Variants in ITPR1 observed in about 807,000 individuals in gnomAD.
The protein encoded by ITPR1 is inositol 1,4,5-trisphosphate-gated calcium channel ITPR1.
A neutral mutation model predicts 318.4 loss-of-function variants in ITPR1; 96 were observed. The observed-to-expected ratio is 0.30, with a 90% CI of 0.26 to 0.36. The LOEUF is 0.36. ITPR1 is among the 10% of genes least tolerant of loss of function. The probability of loss-of-function intolerance (pLI) is 1.00; values close to 1 mark genes in which losing one functional copy is unlikely to be tolerated. For synonymous variants in ITPR1, 1,312 were observed against 1,289.9 expected (o/e 1.02, Z -0.37); for missense variants, 2,440 against 3,460.2 (o/e 0.71, Z 7.40).
chr3:4,552,318 C>A (rs7618458), intron 4 of ITPR1, among the ~76,000 whole-genome samples: 2 of 151,990 alleles, frequency 1.3e-5, no homozygotes, highest in Admixed American at 6.5e-5. Flanking sequence ...CACCTCCCAC[C>A]TGACACACCA....
chr3:4,603,619 A>G (rs184513254), intron 4 of ITPR1, among the ~76,000 whole-genome samples: 240 of 152,168 alleles, frequency 1.6e-3, no homozygotes, highest in Middle Eastern at 6.8e-3. Context: ...TAGTAGAGAC[A>G]GGGTTTCACC....
chr3:4,603,600 T>A (rs2091471509), intron 4 of ITPR1, among the ~76,000 whole-genome samples: 1 of 152,078 alleles, frequency 6.6e-6, no homozygotes, highest in African/African-American at 2.4e-5. Context: ...TAGCTAATTT[T>A]TGTGTTTTTA....
At chr3:4,772,819 A>G (rs1334705421) in intron 46 of ITPR1, among the ~76,000 whole-genome samples, 1 of 152,184 alleles carries the variant, frequency 6.6e-6, no homozygotes, top group African/African-American at 2.4e-5. Flanking sequence ...GCCAGAGGAA[A>G]TGGATCTGAG....
intron 4 of ITPR1, among the ~76,000 whole-genome samples, chr3:4,592,885 C>T (rs951511753): frequency 3.3e-5 from 5 of 152,134 alleles, no homozygotes; most frequent in Non-Finnish European, 5.9e-5. Flanking sequence ...AATACAGGGA[C>T]TCTGAGTGGT....
At position 4,688,679 on chromosome 3, in the gene ITPR1, A is replaced by T. The variant is rs961576957; in HGVS notation, c.3828+59A>T. ...GGGAGGAGGGCAGGGAAGAGGGAGG[A>T]GGAACAGCTTGTTCTTTGGCTGTTG... On this transcript the variant is annotated intron_variant, in intron 31 of 61. Transcript: ENST00000649015. 2.6e-6 allele frequency: 4 copies of T among 1,548,958 alleles called. No individual in the cohort carries two copies. In the East Asian group the frequency reaches 9.1e-5, roughly 35 times the overall value.
intron 12 of ITPR1, among the ~76,000 whole-genome samples, chr3:4,654,438 C>T (rs1243530190): frequency 6.6e-6 from 1 of 152,182 alleles, no homozygotes; most frequent in South Asian, 2.1e-4. Context: ...TGCAAAATGG[C>T]TCTTTCTCTG....
chr3:4,564,749 T>G (rs746054691), intron 4 of ITPR1, among the ~76,000 whole-genome samples: 3 of 152,190 alleles, frequency 2.0e-5, no homozygotes, highest in Non-Finnish European at 4.4e-5. Flanking sequence ...ACATTTCTGT[T>G]GTTTATGGGC....
chr3:4,660,978 TCCC>T lies in ITPR1; in HGVS notation c.1152-9_1152-7del, dbSNP rs1442968823. Reference sequence around the variant, plus strand: ...TTATTTCCCTAAAACCCTCCTTTTTTCCCTGTTAGGAACTCTTATGTTCGGCTC... The same window carrying T: ...TTATTTCCCTAAAACCCTCCTTTTTTTGTTAGGAACTCTTATGTTCGGCTC... On this transcript the variant is annotated splice_region_variant and splice_polypyrimidine_tract_variant and intron_variant, in intron 13 of 61. Coordinates refer to ENST00000649015, the MANE Select transcript of ITPR1 (RefSeq NM_001378452.1). The T allele has an allele frequency of 6.8e-7, 1 of 1,468,944 alleles. No individual in the cohort carries two copies. Among genetic ancestry groups the T allele is most frequent in the South Asian group, 1.2e-5 (1 of 83,518 alleles). 91.0% of individuals were successfully genotyped at this position (1,468,944 alleles called of 1,614,324 possible).
At chr3:4,712,886 G>C (rs7641327) in intron 39 of ITPR1, among the ~76,000 whole-genome samples, 88,218 of 152,076 alleles carry the variant, frequency 0.58, 26,433 homozygotes, top group Non-Finnish European at 0.65. Context: ...GACTAGAAAT[G>C]TCCATTACAT....
At chr3:4,589,219 T>G (rs2090180094) in intron 4 of ITPR1, among the ~76,000 whole-genome samples, 1 of 152,174 alleles carries the variant, frequency 6.6e-6, no homozygotes, top group Admixed American at 6.5e-5. Flanking sequence ...AGGAGACATA[T>G]TCATATATAT....
intron 44 of ITPR1, among the ~76,000 whole-genome samples, chr3:4,739,675 A>G (rs1302563017): frequency 6.6e-6 from 1 of 152,178 alleles, no homozygotes; most frequent in African/African-American, 2.4e-5. Context: ...TCTGTCACTG[A>G]ATAACCACCT....
At chr3:4,723,444 T>C (rs1159481389) in intron 40 of ITPR1, among the ~76,000 whole-genome samples, 3 of 152,236 alleles carry the variant, frequency 2.0e-5, no homozygotes, top group Non-Finnish European at 4.4e-5. Context: ...AAGACAGTTA[T>C]TAATTTAAAT....
rs747183478 is a variant in ITPR1 at position 4,658,236 on chromosome 3, T to C, written c.1109T>C (p.Leu370Pro). The C allele has an allele frequency of 1.9e-6, 3 of 1,613,610 alleles. No homozygotes were observed. Among genetic ancestry groups the C allele is most frequent in the Non-Finnish European group, 8.5e-7 (1 of 1,179,624 alleles). ...AATGACATCTCCTCCATTTTCGAGC[T>C]AGATCCCACCACTCTGCGTGGAGGT... Reference protein sequence around the residue: ...EGNDISSIFELDPTTLRGGDS... With the variant: ...EGNDISSIFEPDPTTLRGGDS... The change falls in exon 13 of 62, where the codon CTA becomes CCA. Residue 370 changes from leucine (L) to proline (P), a missense_variant. By Grantham distance (98) the Leu-to-Pro change is moderately conservative. Transcript: ENST00000649015.
chr3:4,815,175 G>A lies in ITPR1; in HGVS notation c.7824G>A (p.Lys2608=). Residue 2608 remains lysine (K), a synonymous_variant, in exon 59 of 62, where the codon AAG becomes AAA. Coordinates refer to ENST00000649015, the MANE Select transcript of ITPR1 (RefSeq NM_001378452.1). ...IDTFADLRSE[K]QKKEEILKTT... is the part of the protein sequence containing the mutation. The stretch of plus-strand genomic sequence containing the variant: ...CTTTTGCTGACCTGAGGAGTGAGAA[G>A]CAGAAGAAGGAAGAGATCTTGAAGA... 2 of 1,613,970 alleles carry A rather than the reference G, an allele frequency of 1.2e-6. No individual in the cohort carries two copies. Among genetic ancestry groups the A allele is most frequent in the Non-Finnish European group, 8.5e-7 (1 of 1,179,860 alleles).
At chr3:4,689,271 T>C (rs942342872) in intron 31 of ITPR1, among the ~76,000 whole-genome samples, 1 of 152,176 alleles carries the variant, frequency 6.6e-6, no homozygotes, top group Non-Finnish European at 1.5e-5. Context: ...GTCTGATTTT[T>C]AACTTTGTAA....
At chr3:4,516,392 G>T in intron 2 of ITPR1, 84 bp from the exon 3 acceptor site, 1 of 697,064 alleles carries the variant, frequency 1.4e-6, no homozygotes, top group South Asian at 2.2e-5. Context: ...TTGGAAAATT[G>T]AGCTAAGCCA....
chr3:4,676,634 A>G lies in ITPR1; in HGVS notation c.2800A>G (p.Ile934Val). Residue 934 changes from isoleucine to valine, a missense_variant, in exon 24 of 62, where the codon ATT (isoleucine) becomes GTT (valine). This residue lies in a region of ITPR1 where 478 missense variants were observed against 696.3 expected (regional missense o/e 0.69). Transcript: ENST00000649015. ...CCTAGGCAGTAACGTGATGAGATCTATTCATGGCGTGGGAGAGCTGATGAC... is the reference window on the plus strand; with the variant it reads ...CCTAGGCAGTAACGTGATGAGATCTGTTCATGGCGTGGGAGAGCTGATGAC... ...KLKSSNVMRS[I>V]HGVGELMTQV... 1.9e-6 allele frequency: 3 copies of G among 1,613,612 alleles called. No individual in the cohort carries two copies. Among genetic ancestry groups the G allele is most frequent in the Non-Finnish European group, 2.5e-6 (3 of 1,179,696 alleles).
At chr3:4,560,973 T>A (rs1309188961) in intron 4 of ITPR1, among the ~76,000 whole-genome samples, 1 of 152,218 alleles carries the variant, frequency 6.6e-6, no homozygotes, top group Non-Finnish European at 1.5e-5. Flanking sequence ...CAAGATGGCC[T>A]TTTGCTGCTT....
rs2094192761 is a variant in ITPR1, at chr3:4,676,738, A to C, written c.2904A>C (p.Ala968=). The change falls in exon 24 of 62, where the codon GCA becomes GCC. Residue 968 remains alanine (A), a synonymous_variant. Transcript: ENST00000649015. ...AAAPEGNVKQ[A]EPEKEDIMVM... is the part of the protein sequence containing the mutation. ...CCCCTGAAGGCAATGTGAAGCAGGC[A>C]GAGCCTGAGAAGGAGGACATCATGG... The C allele has an allele frequency of 1.2e-6, 2 of 1,613,708 alleles. No homozygotes were observed. Among genetic ancestry groups the C allele is most frequent in the South Asian group, 2.2e-5 (2 of 91,048 alleles).
Sources: allele counts gnomAD v4.1 joint callset (sites outside exome capture counted in the v4.1 genomes callset), GRCh38; gene constraint gnomAD v4.1.1; regional missense constraint gnomAD v4.1.1; transcripts MANE v1.5; gene names NCBI Gene and HGNC (gene_info 2026-07-23, HGNC 2026-07-21).